The following KLK10 variants were observed in gnomAD, a reference collection of about 807,000 sequenced individuals.
KLK10 encodes kallikrein-10.
In KLK10, 27 loss-of-function variants were observed where a neutral mutation model predicts 25.7. The observed-to-expected ratio is 1.05, with a 90% CI of 0.77 to 1.45. The LOEUF (loss-of-function observed/expected upper bound fraction) is 1.45. KLK10 is among the 40% of genes most tolerant of loss of function. KLK10 has a pLI of 0.00. For missense variants in KLK10, 386 were observed against 370.0 expected (o/e 1.04, Z -0.35); for synonymous variants, 173 against 160.1 (o/e 1.08, Z -0.61).
intron 3 of KLK10, 140 bp from the exon 4 acceptor site, chr19:51,016,296 G>A: frequency 1.0e-6 from 1 of 960,824 alleles, no homozygotes; most frequent in Non-Finnish European, 1.5e-6. Context: ...GTGGACATGG[G>A]GAGGAGGAAT....
intron 4 of KLK10, 123 bp from the exon 5 acceptor site, chr19:51,015,673 C>T: frequency 8.0e-7 from 1 of 1,251,624 alleles, no homozygotes; most frequent in Admixed American, 1.9e-5. Context: ...CTCAAGAATC[C>T]TGGCCCCAGC....
At chr19:51,015,303 G>T in intron 5 of KLK10, 114 bp downstream of exon 5, 1 of 1,244,282 alleles carries the variant, frequency 8.0e-7, no homozygotes, top group Non-Finnish European at 1.1e-6. Flanking sequence ...AAGAGTTGGG[G>T]TCAAGGATGG....
intron 2 of KLK10, 70 bp downstream of exon 2, chr19:51,018,973 C>T: frequency 1.7e-6 from 2 of 1,163,536 alleles, no homozygotes; most frequent in Non-Finnish European, 2.5e-6. Context: ...GGCTTGGTGA[C>T]GGGAACACAT....
At chr19:51,016,462 C>T (rs1360984201) in intron 3 of KLK10, among the ~76,000 whole-genome samples, 2 of 151,878 alleles carry the variant, frequency 1.3e-5, no homozygotes, top group East Asian at 1.9e-4. Context: ...GGCGCAATCT[C>T]GGCTCACTGC....
At chr19:51,018,732 G>A (rs550028927) in intron 2 of KLK10, 45 of 432,554 alleles carry the variant, frequency 1.0e-4, no homozygotes, top group African/African-American at 7.6e-4. Context: ...AACAAAACAC[G>A]GTAGTGTAAA....
At position 51,019,031 on chromosome 19, in the gene KLK10, C is replaced by G. The variant is rs1408223464; in HGVS notation, c.88+12G>C. ...ACCGGCGCCTCTCCCCGCCCCCTGC[C>G]CCCGACCTTACCCCAGAGTTGCGCC... On this transcript the variant is annotated intron_variant, in intron 2 of 5. Transcript: ENST00000358789. This position sits in a 1 kb window ranked among gnomAD's most constrained non-coding sequence, Gnocchi z 4.2. 1.5e-5 allele frequency: 24 copies of G among 1,585,990 alleles called. No individual in the cohort carries two copies. The highest frequency in any genetic ancestry group is 2.0e-5 in the Non-Finnish European group (23 of 1,169,130).
In KLK10 at chr19:51,016,158, T is replaced by TG; in HGVS notation, c.270-3dup. On this transcript the variant is annotated splice_region_variant and splice_polypyrimidine_tract_variant and intron_variant, in intron 3 of 5. Transcript: ENST00000358789. ...TCCCCTACTCGAGCCCACAGTGGCC[T>TG]GGGGGAAGGAAGAGGCATGTGAAGG... is the stretch of plus-strand genomic sequence containing the variant. The TG allele has an allele frequency of 1.3e-6, 2 of 1,574,862 alleles. No individual in the cohort carries two copies. Among genetic ancestry groups the TG allele is most frequent in the Non-Finnish European group, 1.7e-6 (2 of 1,160,404 alleles).
At chr19:51,015,833 C>A (rs1262974988) in intron 4 of KLK10, 49 bp downstream of exon 4, 5 of 1,451,828 alleles carry the variant, frequency 3.4e-6, no homozygotes, top group Non-Finnish European at 3.6e-6. Flanking sequence ...GGGTTCAGGC[C>A]CTCAGCCCCC....
rs140192794 is a variant in KLK10, at chr19:51,015,473, C to T, written c.622G>A (p.Val208Met). Residue 208 changes from valine (V) to methionine (M), a missense_variant, in exon 5 of 6, where the codon GTG (valine) becomes ATG (methionine). Coordinates refer to ENST00000358789, the MANE Select transcript of KLK10 (RefSeq NM_145888.3). Reference sequence around the variant, plus strand: ...GCACATATCATGTTGTTGGTGACCACGCCAGGGTAGAAGACCTCACACTCT... The same window carrying T: ...GCACATATCATGTTGTTGGTGACCATGCCAGGGTAGAAGACCTCACACTCT... ...PKECEVFYPG[V>M]VTNNMICAGL... 1.4e-4 allele frequency: 226 copies of T among 1,613,892 alleles called. 1 individual carries two copies. In the East Asian group the frequency reaches 4.4e-3, roughly 32 times the overall value.
rs535535078 is a variant in KLK10 at position 51,017,412 on chromosome 19, G to A, written c.89-122C>T. The A allele has an allele frequency of 9.9e-5, 87 of 875,142 alleles. No individual in the cohort carries two copies. In the African/African-American group the frequency reaches 1.4e-3, roughly 14 times the overall value. 54.2% of individuals were successfully genotyped at this position (875,142 alleles called of 1,614,324 possible). A position where few individuals can be genotyped will look rare whatever the true frequency, so the allele number is the denominator to read the frequency against. On this transcript the variant is annotated intron_variant, in intron 2 of 5. Coordinates refer to ENST00000358789, the MANE Select transcript of KLK10 (RefSeq NM_145888.3). ...GGGACGCAGCCAGAACGCGAGGGTG[G>A]TAGGGAAATATTGGGGGTTTCGCGT...
intron 2 of KLK10, chr19:51,018,590 G>A (rs958512354): frequency 1.1e-4 from 17 of 159,630 alleles, no homozygotes; most frequent in Admixed American, 9.3e-4. Context: ...TGTAGTCCCA[G>A]CTACTCGGGA....
Position 51,014,781 on chromosome 19 carries a change from C to CTGGAGCGTAGCATCTGGATCAGT in KLK10, c.827_*18dup, listed in dbSNP as rs534291554. 1.9e-6 allele frequency: 3 copies of CTGGAGCGTAGCATCTGGATCAGT among 1,611,640 alleles called. No individual in the cohort carries two copies. In the Admixed American group the frequency reaches 5.0e-5, roughly 27 times the overall value. ...AGCAGGAGCATAACATCTGGATCAGCTGGAGCGTAGCATCTGGATCAGTTG... is the reference window on the plus strand; with the variant it reads ...AGCAGGAGCATAACATCTGGATCAGCTGGAGCGTAGCATCTGGATCAGTTGGAGCGTAGCATCTGGATCAGTTG... On this transcript the variant is annotated 3_prime_UTR_variant, in exon 6 of 6. Transcript: ENST00000358789.
intron 3 of KLK10, among the ~76,000 whole-genome samples, chr19:51,016,373 C>T (rs1342703781): frequency 6.6e-6 from 1 of 151,872 alleles, no homozygotes; most frequent in Non-Finnish European, 1.5e-5. Flanking sequence ...CCTAGGTAAG[C>T]CTTCCACATT....
intron 5 of KLK10, 106 bp from the exon 6 acceptor site, chr19:51,015,058 G>A: frequency 1.0e-6 from 1 of 993,900 alleles, no homozygotes; most frequent in Middle Eastern, 3.3e-4. Context: ...TTGGGATAAA[G>A]ACGAGGATGG....
chr19:51,015,579 G>A, intron 4 of KLK10, 29 bp from the exon 5 acceptor site: 1 of 1,609,934 alleles, frequency 6.2e-7, no homozygotes, highest in Non-Finnish European at 8.5e-7. Flanking sequence ...AGTAATCCCT[G>A]GGTCCAGCCC....
Position 51,019,100 on chromosome 19 carries a change from C to A in KLK10, c.31G>T (p.Ala11Ser), listed in dbSNP as rs748162164. The A allele has an allele frequency of 3.7e-6, 6 of 1,609,308 alleles. No individual in the cohort carries two copies. The Admixed American group carries it at 1.0e-4, about 27-fold the overall frequency. ...TTCGCCAGAGCCCGGGCGCCAGAGG[C>A]GGCGGAGAGGTGGAGGTGCGGAGCT... MRAPHLHLSA[A>S]SGARALAKLL... The change falls in exon 2 of 6, where the codon GCC (alanine) becomes TCC (serine). Residue 11 changes from alanine to serine, a missense_variant. By Grantham distance (99) the Ala-to-Ser change is moderately conservative. Coordinates refer to ENST00000358789, the MANE Select transcript of KLK10 (RefSeq NM_145888.3). The surrounding 1 kb of genome is among the most constrained non-coding windows in gnomAD (Gnocchi z 4.2).
Position 51,019,606 on chromosome 19 carries a change from G to A in KLK10, c.-10+21C>T, listed in dbSNP as rs919294942. On this transcript the variant is annotated intron_variant, in intron 1 of 5. Transcript: ENST00000358789. The surrounding 1 kb of genome is among the most constrained non-coding windows in gnomAD (Gnocchi z 4.2). ...CCTCTCGCAATCCACCCCAACCCGG[G>A]TGGGGTGCAGGTAGCTTCACCTGGG... 3 of 153,906 alleles carry A rather than the reference G, an allele frequency of 1.9e-5. No individual in the cohort carries two copies. Among genetic ancestry groups the A allele is most frequent in the Non-Finnish European group, 4.3e-5 (3 of 69,254 alleles). 9.5% of individuals were successfully genotyped at this position (153,906 alleles called of 1,614,324 possible). A position where few individuals can be genotyped will look rare whatever the true frequency, so the allele number is the denominator to read the frequency against.
rs1325514212 is a variant in KLK10 at position 51,013,230 on chromosome 19, C to A, written c.*1570G>T. 1 of 152,060 alleles carries A rather than the reference C, an allele frequency of 6.6e-6. No individual in the cohort carries two copies. The highest frequency in any genetic ancestry group is 1.5e-5 in the Non-Finnish European group (1 of 68,042). The allele number at this position is 152,060 out of a possible 1,614,324, so 9.4% of individuals were successfully genotyped here. A position where few individuals can be genotyped will look rare whatever the true frequency, so the allele number is the denominator to read the frequency against. On this transcript the variant is annotated 3_prime_UTR_variant, in exon 6 of 6. Transcript: ENST00000358789. ...CCTGTGGGCTCTGCAGGGTGGGGGA[C>A]CTTGTGATCACCCCTACGTATGTCC... is the stretch of plus-strand genomic sequence containing the variant.
At position 51,014,804 on chromosome 19, in the gene KLK10, T is replaced by C. The variant is rs61752564; in HGVS notation, c.827A>G (p.Asn276Ser). ...AGCTGGAGCGTAGCATCTGGATCAG[T>C]TGGAGCGTATGACTTTATTGATCCA... ...MSWINKVIRSN is the reference protein window; with the variant it reads ...MSWINKVIRSS Residue 276 changes from asparagine (N) to serine (S), a missense_variant, in exon 6 of 6, where the codon AAC becomes AGC. Coordinates refer to ENST00000358789, the MANE Select transcript of KLK10 (RefSeq NM_145888.3). The C allele has an allele frequency of 2.5e-6, 4 of 1,575,874 alleles. No homozygotes were observed. The highest frequency in any genetic ancestry group is 3.5e-6 in the Non-Finnish European group (4 of 1,152,450).
Sources: gnomAD v4.1 joint callset for allele counts (sites outside exome capture counted in the v4.1 genomes callset) on GRCh38, gnomAD v4.1.1 for gene constraint, Gnocchi (gnomAD v3.1) non-coding constraint, MANE v1.5 for transcripts, NCBI Gene and HGNC (gene_info 2026-07-23, HGNC 2026-07-21) for gene names.